The following GRIK2 variants were observed in gnomAD, a reference collection of about 807,000 sequenced individuals.
The protein encoded by GRIK2 is glutamate receptor ionotropic, kainate 2.
GRIK2 carries 32 observed loss-of-function variants against 100.3 expected under a neutral mutation model. The observed-to-expected ratio is 0.32, with a 90% CI of 0.24 to 0.43. The LOEUF (loss-of-function observed/expected upper bound fraction) is 0.43, where lower values mean the gene tolerates loss of function less well. Ranked by LOEUF, GRIK2 falls within the 20% of genes least tolerant of loss-of-function variation. The pLI, the probability that GRIK2 is intolerant of heterozygous loss-of-function variation, is 1.00. For missense variants in GRIK2, 843 were observed against 1,114.9 expected, an observed-to-expected ratio of 0.76 and a Z score of 3.47; for synonymous variants, 417 against 389.4, an observed-to-expected ratio of 1.07 and a Z score of -0.83.
intron 4 of GRIK2, among the ~76,000 whole-genome samples, chr6:101,647,350 A>G (rs1582887774): frequency 1.3e-5 from 2 of 152,140 alleles, no homozygotes; most frequent in South Asian, 4.1e-4. Flanking sequence ...CACTGTAGAC[A>G]GTTAACTCCA....
chr6:101,442,188 A>G (rs996957917), intron 2 of GRIK2, among the ~76,000 whole-genome samples: 13 of 152,176 alleles, frequency 8.5e-5, no homozygotes, highest in African/African-American at 1.9e-4. Context: ...GCCAAAAACC[A>G]GGTTCTTGTC....
At chr6:101,872,174 T>G (rs1192603215) in intron 11 of GRIK2, among the ~76,000 whole-genome samples, 1 of 151,958 alleles carries the variant, frequency 6.6e-6, no homozygotes, top group Non-Finnish European at 1.5e-5. Context: ...CTATCCAATT[T>G]CTTATTCATG....
intron 7 of GRIK2, among the ~76,000 whole-genome samples, chr6:101,712,770 GT>G (rs1458541574): frequency 2.6e-5 from 4 of 151,700 alleles, no homozygotes; most frequent in Admixed American, 6.6e-5. Context: ...TCAAATCATT[GT>G]TCAACAGAAT....
intron 10 of GRIK2, among the ~76,000 whole-genome samples, chr6:101,820,823 A>T (rs1781911105): frequency 6.6e-6 from 1 of 152,142 alleles, no homozygotes; most frequent in Admixed American, 6.6e-5. Flanking sequence ...ACTTCATGAA[A>T]ATCTTTGACA....
At chr6:101,802,248 A>C (rs1780718160) in intron 8 of GRIK2, 83 bp from the exon 9 acceptor site, 3 of 491,280 alleles carry the variant, frequency 6.1e-6, no homozygotes, top group Non-Finnish European at 1.1e-5. Flanking sequence ...AAAGTAATGA[A>C]TATAAGTTTC....
intron 7 of GRIK2, among the ~76,000 whole-genome samples, chr6:101,770,617 T>C (rs1367062037): frequency 3.3e-5 from 5 of 152,228 alleles, no homozygotes; most frequent in Non-Finnish European, 7.3e-5. Context: ...TGTCAGTCTA[T>C]TGACCTACCG....
chr6:101,688,918 TA>T (rs1174571341), intron 7 of GRIK2, among the ~76,000 whole-genome samples: 1 of 151,932 alleles, frequency 6.6e-6, no homozygotes, highest in Non-Finnish European at 1.5e-5. Flanking sequence ...ACCAAAATTT[TA>T]AAAAAATACA....
intron 2 of GRIK2, among the ~76,000 whole-genome samples, chr6:101,581,495 T>C (rs938902877): frequency 3.3e-5 from 5 of 152,064 alleles, no homozygotes; most frequent in Admixed American, 6.6e-5. Flanking sequence ...TCTGGGAGAC[T>C]AAGTCAGTCT....
At chr6:101,992,484 C>T (rs1794430698) in intron 14 of GRIK2, among the ~76,000 whole-genome samples, 1 of 151,508 alleles carries the variant, frequency 6.6e-6, no homozygotes, top group South Asian at 2.1e-4. Flanking sequence ...ATAATGAGCC[C>T]GTCAAAGCAA....
intron 2 of GRIK2, among the ~76,000 whole-genome samples, chr6:101,434,565 G>T (rs1027505065): frequency 1.3e-5 from 2 of 151,884 alleles, no homozygotes; most frequent in African/African-American, 4.8e-5. Flanking sequence ...GTGAATCTTG[G>T]GTAAAATTTT....
intron 9 of GRIK2, among the ~76,000 whole-genome samples, chr6:101,816,755 G>A (rs1781657188): frequency 1.3e-5 from 2 of 151,760 alleles, no homozygotes; most frequent in South Asian, 2.1e-4. Flanking sequence ...AGGTCAACAG[G>A]CATTCTAGTT....
At chr6:101,465,505 C>T (rs1771594230) in intron 2 of GRIK2, among the ~76,000 whole-genome samples, 1 of 152,098 alleles carries the variant, frequency 6.6e-6, no homozygotes, top group Non-Finnish European at 1.5e-5. Context: ...CTTTCTTAAT[C>T]CAATCACCCA....
At chr6:101,966,273 A>G (rs370271905) in intron 14 of GRIK2, among the ~76,000 whole-genome samples, 2 of 152,306 alleles carry the variant, frequency 1.3e-5, no homozygotes, top group East Asian at 1.9e-4. Context: ...CAAATATGTC[A>G]ACAGATAATT....
At chr6:101,779,877 C>A (rs12386553) in intron 7 of GRIK2, among the ~76,000 whole-genome samples, 8,492 of 151,666 alleles carry the variant, frequency 0.056, 526 homozygotes, top group African/African-American at 0.16. Context: ...ATCTCTCTCT[C>A]TATATATATA....
At position 101,617,021 on chromosome 6, in the gene GRIK2, A is replaced by G. The variant is rs116528928; in HGVS notation, c.116-4928A>G. Among the ~76,000 whole-genome samples, 1,052 of 151,476 alleles carry G rather than the reference A, an allele frequency of 6.9e-3. 15 individuals carry two copies. Among genetic ancestry groups the G allele is most frequent in the African/African-American group, 0.024 (999 of 41,392 alleles). On this transcript the variant is annotated intron_variant, in intron 2 of 16. Coordinates refer to ENST00000369134, the MANE Select transcript of GRIK2 (RefSeq NM_021956.5). ...ATTTAATATACTTTCATATATTTTC[A>G]TATTTGTCTTTCGTTATATTTGATG...
chr6:101,683,292 A>C (rs950672591), intron 6 of GRIK2, among the ~76,000 whole-genome samples: 8 of 152,106 alleles, frequency 5.3e-5, no homozygotes, highest in African/African-American at 1.9e-4. Flanking sequence ...AGATGTATTG[A>C]AGCTGTCCTT....
At chr6:101,964,936 ATTATG>A (rs1792563259) in intron 14 of GRIK2, among the ~76,000 whole-genome samples, 1 of 152,096 alleles carries the variant, frequency 6.6e-6, no homozygotes, top group African/African-American at 2.4e-5. Flanking sequence ...TAGGGTGTAG[ATTATG>A]TTAAGTTTGC....
intron 2 of GRIK2, among the ~76,000 whole-genome samples, chr6:101,424,573 AATTATT>A (rs1776602171): frequency 6.9e-6 from 1 of 145,040 alleles, no homozygotes; most frequent in Non-Finnish European, 1.5e-5. Flanking sequence ...ATTTTTTAAA[AATTATT>A]ATTATTCTTT....
chr6:101,547,198 C>T (rs1043301554), intron 2 of GRIK2, among the ~76,000 whole-genome samples: 3 of 152,100 alleles, frequency 2.0e-5, no homozygotes, highest in Non-Finnish European at 2.9e-5. Flanking sequence ...TAGTATTTCC[C>T]CTCTTTCTCC....
Sources: allele counts gnomAD v4.1 joint callset (sites outside exome capture counted in the v4.1 genomes callset), GRCh38; gene constraint gnomAD v4.1.1; transcripts MANE v1.5; gene names NCBI Gene and HGNC (gene_info 2026-07-23, HGNC 2026-07-21).